The following REXO5 variants were observed in gnomAD, a reference collection of about 807,000 sequenced individuals.
REXO5 encodes exonuclease NEF-sp.
A neutral mutation model predicts 88.5 loss-of-function variants in REXO5; 48 were observed. The ratio of observed to expected loss-of-function variants is 0.54; its 90% confidence interval spans 0.43 to 0.69. The LOEUF (loss-of-function observed/expected upper bound fraction) is 0.69, where lower values mean the gene tolerates loss of function less well. REXO5 is among the 30% of genes least tolerant of loss of function. REXO5 has a pLI of 0.00. For synonymous variants in REXO5, 311 were observed against 336.5 expected, an observed-to-expected ratio of 0.92 and a Z score of 0.83; for missense variants, 749 against 912.2, an observed-to-expected ratio of 0.82 and a Z score of 2.30.
At chr16:20,821,735 A>G in intron 5 of REXO5, 27 bp from the exon 6 acceptor site, 1 of 1,549,254 alleles carries the variant, frequency 6.5e-7, no homozygotes, top group Non-Finnish European at 8.7e-7. Flanking sequence ...ACACATTCTA[A>G]TATACGTTCA....
In REXO5 at chr16:20,821,796, C is replaced by A; in HGVS notation, c.510C>A (p.Asn170Lys). Residue 170 changes from asparagine to lysine, a missense_variant, in exon 6 of 20, where the codon AAC (asparagine) becomes AAA (lysine). Physicochemically the swap from Asn to Lys is moderately conservative, Grantham distance 94. Transcript: ENST00000261377. ...PLPSNAKAAI[N>K]LQDDPIIQKY... ...CTTCTAATGCAAAAGCCGCCATCAACCTTCAGGATGATCCCATCATTCAAA... is the reference window on the plus strand; with the variant it reads ...CTTCTAATGCAAAAGCCGCCATCAAACTTCAGGATGATCCCATCATTCAAA... 6.2e-7 allele frequency: 1 copy of A among 1,602,024 alleles called. No individual in the cohort carries two copies. Among genetic ancestry groups the A allele is most frequent in the Non-Finnish European group, 8.5e-7 (1 of 1,176,722 alleles).
intron 4 of REXO5, 91 bp from the exon 5 acceptor site, chr16:20,816,025 A>C (rs1438140555): frequency 1.0e-6 from 1 of 975,360 alleles, no homozygotes; most frequent in African/African-American, 1.6e-5. Context: ...TAGAACTTTC[A>C]AAGCACTGAG....
chr16:20,849,503 T>TA lies in REXO5; in HGVS notation c.*23_*24insA. ...TGAGTCGGCCTGCCATGTTTCCATG[T>TA]GCCATTTCTTACCCCTTGTAGGCAA... On this transcript the variant is annotated 3_prime_UTR_variant, in exon 20 of 20. Transcript: ENST00000261377. 6.2e-7 allele frequency: 1 copy of TA among 1,610,050 alleles called. No individual in the cohort carries two copies. The highest frequency in any genetic ancestry group is 1.7e-4 in the Middle Eastern group (1 of 6,050).
At chr16:20,811,911 T>C (rs1385741956) in intron 2 of REXO5, among the ~76,000 whole-genome samples, 3 of 152,212 alleles carry the variant, frequency 2.0e-5, no homozygotes. Context: ...AATTACTCTC[T>C]AGATGAGGAA....
intron 13 of REXO5, among the ~76,000 whole-genome samples, chr16:20,834,341 G>A (rs900182856): frequency 4.6e-5 from 7 of 152,062 alleles, no homozygotes; most frequent in East Asian, 1.9e-4. Flanking sequence ...TGCCAGTATC[G>A]CTTGAGCGCA....
chr16:20,828,291 G>A, intron 10 of REXO5, 144 bp from the exon 11 acceptor site: 1 of 580,288 alleles, frequency 1.7e-6, no homozygotes, highest in Admixed American at 2.8e-5. Flanking sequence ...GCAATTAGCT[G>A]GAATAAAGGA....
At chr16:20,814,770 G>A (rs1304744983) in intron 3 of REXO5, among the ~76,000 whole-genome samples, 157 bp from the exon 4 acceptor site, 1 of 152,114 alleles carries the variant, frequency 6.6e-6, no homozygotes, top group Non-Finnish European at 1.5e-5. Flanking sequence ...GTGCAATAAT[G>A]GCTGTCTTCC....
At chr16:20,826,798 TTA>T (rs540115450) in intron 8 of REXO5, among the ~76,000 whole-genome samples, 2 of 152,352 alleles carry the variant, frequency 1.3e-5, no homozygotes, top group South Asian at 4.1e-4. Context: ...AGCTCATGCA[TTA>T]TGATTACATT....
rs948849860 is a variant in REXO5 at position 20,807,101 on chromosome 16, G to A, written c.138+10G>A. On this transcript the variant is annotated intron_variant, in intron 2 of 19. Coordinates refer to ENST00000261377, the MANE Select transcript of REXO5 (RefSeq NM_030941.3). The stretch of plus-strand genomic sequence containing the variant: ...TCAGCCCGAGGCCAAGGTGAGCAAC[G>A]GGGATCCCGAGCAGGCGGCCCTAGG... The A allele has an allele frequency of 4.3e-5, 68 of 1,598,136 alleles. No homozygotes were observed. The highest frequency in any genetic ancestry group is 5.7e-5 in the Non-Finnish European group (67 of 1,173,518).
intron 13 of REXO5, among the ~76,000 whole-genome samples, chr16:20,838,082 ATAG>A (rs2081464241): frequency 6.6e-6 from 1 of 152,138 alleles, no homozygotes; most frequent in African/African-American, 2.4e-5. Flanking sequence ...TGTTTTTTTA[ATAG>A]TAGTTTAGAT....
Position 20,839,783 on chromosome 16 carries a change from C to T in REXO5, c.1412C>T (p.Pro471Leu). 1 of 1,613,854 alleles carries T rather than the reference C, an allele frequency of 6.2e-7. No homozygotes were observed. ...CTTGAGCAGGCCAGAGTGGAAATCC[C>T]CCTGTTTCCCTTCAGCATTGTTCAG... ...EVLEQARVEI[P>L]LFPFSIVQFS... Residue 471 changes from proline (P) to leucine (L), a missense_variant, in exon 14 of 20, where the codon CCC becomes CTC. Pro to Leu is a moderately conservative substitution (Grantham distance 98). Transcript: ENST00000261377.
chr16:20,806,968 G>C lies in REXO5; in HGVS notation c.15G>C (p.Arg5Ser). Reference sequence around the variant, plus strand: ...TCTCCACAGCCATGGAGCCAGAGAGGGAAGGGACCGAGAGACACCCCAGGA... The same window carrying C: ...TCTCCACAGCCATGGAGCCAGAGAGCGAAGGGACCGAGAGACACCCCAGGA... MEPE[R>S]EGTERHPRKV... is the part of the protein sequence containing the mutation. Residue 5 changes from arginine to serine, a missense_variant, in exon 2 of 20, where the codon AGG (arginine) becomes AGC (serine). Arg to Ser is a moderately radical substitution (Grantham distance 110, BLOSUM62 -1). Coordinates refer to ENST00000261377, the MANE Select transcript of REXO5 (RefSeq NM_030941.3). 1.9e-6 allele frequency: 3 copies of C among 1,594,334 alleles called. No homozygotes were observed. The highest frequency in any genetic ancestry group is 2.3e-5 in the South Asian group (2 of 87,826).
In REXO5 at chr16:20,806,961, CAG is replaced by C; in HGVS notation, c.13_14del (p.Arg5GlyfsTer19). On this transcript the variant is annotated frameshift_variant, in exon 2 of 20. Transcript: ENST00000261377. LOFTEE classifies it high-confidence loss of function. Reference sequence around the variant, plus strand: ...TCATCTTTCTCCACAGCCATGGAGCCAGAGAGGGAAGGGACCGAGAGACACCC... The same window carrying C: ...TCATCTTTCTCCACAGCCATGGAGCCAGAGGGAAGGGACCGAGAGACACCC... 6.3e-7 allele frequency: 1 copy of C among 1,591,176 alleles called. No individual in the cohort carries two copies. Among genetic ancestry groups the C allele is most frequent in the Non-Finnish European group, 8.6e-7 (1 of 1,168,254 alleles).
chr16:20,827,529 C>A, intron 10 of REXO5, 82 bp downstream of exon 10: 1 of 1,005,010 alleles, frequency 1.0e-6, no homozygotes. Flanking sequence ...ATGCATATTG[C>A]AAAATTCAGG....
chr16:20,811,846 A>G (rs1161079965), intron 2 of REXO5, among the ~76,000 whole-genome samples: 1 of 152,218 alleles, frequency 6.6e-6, no homozygotes, highest in Non-Finnish European at 1.5e-5. Flanking sequence ...GCCTCAGTAC[A>G]TTGTACTTGA....
chr16:20,821,978 A>G, intron 6 of REXO5, 76 bp downstream of exon 6: 1 of 1,389,194 alleles, frequency 7.2e-7, no homozygotes, highest in South Asian at 1.7e-5. Flanking sequence ...ACTGTTTGAG[A>G]TTCATTTATC....
chr16:20,822,948 C>G (rs890360000), intron 6 of REXO5, among the ~76,000 whole-genome samples: 1 of 152,132 alleles, frequency 6.6e-6, no homozygotes, highest in Non-Finnish European at 1.5e-5. Context: ...CTGTGTTTAA[C>G]CTTTTGAGGA....
chr16:20,843,042 T>C (rs973670164), intron 15 of REXO5, among the ~76,000 whole-genome samples: 1 of 152,224 alleles, frequency 6.6e-6, no homozygotes, highest in Non-Finnish European at 1.5e-5. Flanking sequence ...TCCTAATGGA[T>C]GTGAAATGGT....
At chr16:20,840,961 CTT>C (rs2081518805) in intron 15 of REXO5, among the ~76,000 whole-genome samples, 1 of 152,058 alleles carries the variant, frequency 6.6e-6, no homozygotes, top group Admixed American at 6.6e-5. Flanking sequence ...ATAAAATACT[CTT>C]TCAAAAAGAG....
Sources: allele counts gnomAD v4.1 joint callset (sites outside exome capture counted in the v4.1 genomes callset), GRCh38; gene constraint gnomAD v4.1.1; transcripts MANE v1.5; gene names NCBI Gene and HGNC (gene_info 2026-07-23, HGNC 2026-07-21).